The following CACNA1B variants were observed in gnomAD, a reference collection of about 807,000 sequenced individuals.
The protein encoded by CACNA1B is calcium voltage-gated channel subunit alpha1 B.
CACNA1B carries 70 observed loss-of-function variants against 247.2 expected under a neutral mutation model. The ratio of observed to expected loss-of-function variants is 0.28; its 90% CI spans 0.23 to 0.35. The LOEUF (loss-of-function observed/expected upper bound fraction) is 0.35. Among genes scored for constraint, CACNA1B ranks in the 10% least tolerant of loss-of-function variants. The pLI is 1.00. For synonymous variants in CACNA1B, 1,231 were observed against 1,294.4 expected (o/e 0.95, Z 1.05); for missense variants, 2,367 against 3,197.4 (o/e 0.74, Z 6.26).
At chr9:137,985,839 G>A (rs763239053) in intron 13 of CACNA1B, among the ~76,000 whole-genome samples, 5 of 152,210 alleles carry the variant, frequency 3.3e-5, no homozygotes, top group African/African-American at 4.8e-5. Context: ...GATGGGAAGC[G>A]TTGAGGGATA....
chr9:138,110,945 T>C (rs1029093257), intron 39 of CACNA1B, among the ~76,000 whole-genome samples: 5 of 151,904 alleles, frequency 3.3e-5, no homozygotes, highest in African/African-American at 1.2e-4. Context: ...CAAAAATGCT[T>C]GATGTCATTA....
rs899925559 is a variant in CACNA1B at position 137,880,862 on chromosome 9, G to C, written c.390+1703G>C. On this transcript the variant is annotated intron_variant, in intron 2 of 46. Coordinates refer to ENST00000371372, the MANE Select transcript of CACNA1B (RefSeq NM_000718.4). The surrounding 1 kb of genome is among the most constrained non-coding windows in gnomAD (Gnocchi z 4.8). ...TGTCTCCCAGCCTGGCCCTGGGCGAGGCCTCCCTGGTTCCCTGCCTCTCGG... is the reference window on the plus strand; with the variant it reads ...TGTCTCCCAGCCTGGCCCTGGGCGACGCCTCCCTGGTTCCCTGCCTCTCGG... Among the ~76,000 whole-genome samples, 1 of 152,164 alleles carries C rather than the reference G, an allele frequency of 6.6e-6. No homozygotes were observed. The highest frequency in any genetic ancestry group is 1.5e-5 in the Non-Finnish European group (1 of 68,002).
intron 39 of CACNA1B, among the ~76,000 whole-genome samples, chr9:138,110,201 G>A (rs983820825): frequency 6.6e-6 from 1 of 152,054 alleles, no homozygotes; most frequent in South Asian, 2.1e-4. Flanking sequence ...TGCAGTCTCT[G>A]CCTCCTGGGT....
chr9:138,073,451 C>A lies in CACNA1B; in HGVS notation c.4675-37C>A. ...CAGCAGCTTGCCTGCGCTTTCGGGGCTTCTGAAGGTCAGAGAACAATTCCT... is the reference window on the plus strand; with the variant it reads ...CAGCAGCTTGCCTGCGCTTTCGGGGATTCTGAAGGTCAGAGAACAATTCCT... On this transcript the variant is annotated intron_variant, in intron 32 of 46. Transcript: ENST00000371372. This position sits in a 1 kb window ranked among gnomAD's most constrained non-coding sequence, Gnocchi z 6.4. 7.5e-7 allele frequency: 1 copy of A among 1,341,300 alleles called. No individual in the cohort carries two copies. The highest frequency in any genetic ancestry group is 1.1e-6 in the Non-Finnish European group (1 of 932,510). The allele number at this position is 1,341,300 out of a possible 1,614,324, so 83.1% of individuals were successfully genotyped here.
chr9:138,008,435 G>A (rs1348811301), intron 16 of CACNA1B, among the ~76,000 whole-genome samples: 1 of 152,224 alleles, frequency 6.6e-6, no homozygotes, highest in Non-Finnish European at 1.5e-5. Flanking sequence ...AGGTGTCAGT[G>A]GCTGTGGCTG....
intron 35 of CACNA1B, among the ~76,000 whole-genome samples, chr9:138,076,820 G>A (rs1451796387): frequency 6.6e-6 from 1 of 152,238 alleles, no homozygotes; most frequent in Non-Finnish European, 1.5e-5. Context: ...CACCCTGCCT[G>A]CAGATGCGCG....
At chr9:137,968,886 A>G (rs2133361741) in intron 10 of CACNA1B, among the ~76,000 whole-genome samples, 1 of 152,332 alleles carries the variant, frequency 6.6e-6, no homozygotes, top group Admixed American at 6.5e-5. Context: ...ATGTCCTATC[A>G]TTTTTCTTGA....
intron 6 of CACNA1B, among the ~76,000 whole-genome samples, chr9:137,949,600 T>G (rs2133334149): frequency 6.6e-6 from 1 of 152,186 alleles, no homozygotes; most frequent in Non-Finnish European, 1.5e-5. Context: ...GAGGCTGGCA[T>G]GTCCACATCT....
chr9:138,005,710 G>A (rs1958638593), intron 15 of CACNA1B, among the ~76,000 whole-genome samples: 1 of 152,154 alleles, frequency 6.6e-6, no homozygotes, highest in African/African-American at 2.4e-5. Context: ...AATACCACAA[G>A]TACCCTAAAA....
chr9:138,079,386 G>A (rs545049423), intron 36 of CACNA1B, among the ~76,000 whole-genome samples: 41 of 152,216 alleles, frequency 2.7e-4, no homozygotes, highest in South Asian at 2.3e-3. Context: ...AGGAGTGGGC[G>A]GAGAGAGGAA....
At chr9:137,945,454 G>A (rs1957784281) in intron 6 of CACNA1B, among the ~76,000 whole-genome samples, 1 of 152,238 alleles carries the variant, frequency 6.6e-6, no homozygotes, top group Non-Finnish European at 1.5e-5. Flanking sequence ...TCTGACCTTA[G>A]ATGGGTGCCA....
Position 137,952,405 on chromosome 9 carries a change from G to GA in CACNA1B, c.1070+28_1070+29insA. The stretch of plus-strand genomic sequence containing the variant: ...GAGAGACCATGTGGGGGATGTGCAG[G>GA]TGCCCCTCTGTGTTCTCAGCTGAGG... On this transcript the variant is annotated intron_variant, in intron 7 of 46. Coordinates refer to ENST00000371372, the MANE Select transcript of CACNA1B (RefSeq NM_000718.4). This position sits in a 1 kb window ranked among gnomAD's most constrained non-coding sequence, Gnocchi z 4.8. 1 of 1,568,048 alleles carries GA rather than the reference G, an allele frequency of 6.4e-7. No individual in the cohort carries two copies. The highest frequency in any genetic ancestry group is 2.2e-5 in the East Asian group (1 of 44,638).
intron 36 of CACNA1B, among the ~76,000 whole-genome samples, chr9:138,091,652 T>G (rs977043473): frequency 1.3e-5 from 2 of 152,182 alleles, no homozygotes; most frequent in Non-Finnish European, 2.9e-5. Flanking sequence ...ATCAAAATAT[T>G]ATACTGTACC....
intron 6 of CACNA1B, among the ~76,000 whole-genome samples, chr9:137,918,295 G>A (rs1350333841): frequency 6.6e-6 from 1 of 151,946 alleles, no homozygotes; most frequent in Non-Finnish European, 1.5e-5. Flanking sequence ...CCCCACCACC[G>A]ACTCTTGAGC....
Position 137,971,351 on chromosome 9 carries a change from C to G in CACNA1B, c.1334-32C>G, listed in dbSNP as rs1326458063. On this transcript the variant is annotated intron_variant, in intron 10 of 46. Transcript: ENST00000371372. This position sits in a 1 kb window ranked among gnomAD's most constrained non-coding sequence, Gnocchi z 4.4. Reference sequence around the variant, plus strand: ...TGGGGTAGGCGGGTGCCCATTGGTCCCCACATCCTCAGTAACTCCCCATCC... The same window carrying G: ...TGGGGTAGGCGGGTGCCCATTGGTCGCCACATCCTCAGTAACTCCCCATCC... 1 of 1,550,370 alleles carries G rather than the reference C, an allele frequency of 6.5e-7. No homozygotes were observed. The highest frequency in any genetic ancestry group is 8.8e-7 in the Non-Finnish European group (1 of 1,135,070).
intron 18 of CACNA1B, 141 bp downstream of exon 18, chr9:138,013,376 G>C (rs759267775): frequency 1.2e-5 from 7 of 606,940 alleles, no homozygotes; most frequent in Non-Finnish European, 1.7e-5. Flanking sequence ...GCCCCTCCTC[G>C]GAACTGGGAT....
chr9:137,986,314 GGT>G lies in CACNA1B; in HGVS notation c.1770-98_1770-97del. ...TCACACCTAGGTGTGCAGCCCTCAG[GGT>G]TTAGAAAGTCAGTGGAGCCTTAAGT... On this transcript the variant is annotated intron_variant, in intron 13 of 46. Coordinates refer to ENST00000371372, the MANE Select transcript of CACNA1B (RefSeq NM_000718.4). The surrounding 1 kb of genome is among the most constrained non-coding windows in gnomAD (Gnocchi z 6.0). 7.4e-7 allele frequency: 1 copy of G among 1,346,692 alleles called. No individual in the cohort carries two copies. Among genetic ancestry groups the G allele is most frequent in the Non-Finnish European group, 1.0e-6 (1 of 971,626 alleles). The allele number at this position is 1,346,692 out of a possible 1,614,324, so 83.4% of individuals were successfully genotyped here.
intron 10 of CACNA1B, among the ~76,000 whole-genome samples, chr9:137,960,263 C>CTGGGAGAGGGGAGA (rs1564208776): frequency 3.5e-5 from 5 of 142,720 alleles, no homozygotes; most frequent in African/African-American, 5.2e-5. Context: ...TGAGGGACAC[C>CTGGGAGAGGGGAGA]CGGAGAGAAG....
rs181633897 is a variant in CACNA1B at position 137,955,980 on chromosome 9, T to C, written c.1186+167T>C. On this transcript the variant is annotated intron_variant, in intron 8 of 46. Transcript: ENST00000371372. This position sits in a 1 kb window ranked among gnomAD's most constrained non-coding sequence, Gnocchi z 6.9. ...TTTCTCTCTAGCTCACCCAGGGGCC[T>C]GGCACCAGGCAGCCATATGGCTCTG... Among the ~76,000 whole-genome samples, 46 of 152,320 alleles carry C rather than the reference T, an allele frequency of 3.0e-4. No individual in the cohort carries two copies. In the East Asian group the frequency reaches 8.7e-3, roughly 29 times the overall value.
Sources: gnomAD v4.1 joint callset for allele counts (sites outside exome capture counted in the v4.1 genomes callset) on GRCh38, gnomAD v4.1.1 for gene constraint, Gnocchi (gnomAD v3.1) non-coding constraint, MANE v1.5 for transcripts, NCBI Gene and HGNC (gene_info 2026-07-23, HGNC 2026-07-21) for gene names.